PAX7: variants seen among roughly 807,000 people sequenced by gnomAD.
PAX7 encodes paired box protein Pax-7.
In PAX7, 18 loss-of-function variants were observed where a neutral mutation model predicts 50.7. The observed-to-expected ratio is 0.36, with a 90% CI of 0.25 to 0.53. The LOEUF (loss-of-function observed/expected upper bound fraction) is 0.53. Among genes scored for constraint, PAX7 ranks in the 20% least tolerant of loss-of-function variants. The pLI, the probability that PAX7 is intolerant of heterozygous loss-of-function variation, is 0.93. For synonymous variants in PAX7, 310 were observed against 290.4 expected, an observed-to-expected ratio of 1.07 and a Z score of -0.69; for missense variants, 644 against 702.9, an observed-to-expected ratio of 0.92 and a Z score of 0.95.
intron 5 of PAX7, among the ~76,000 whole-genome samples, chr1:18,694,460 G>A (rs1024790973): frequency 4.7e-5 from 6 of 128,840 alleles, no homozygotes; most frequent in African/African-American, 9.3e-5. Flanking sequence ...ACTCTGTCTC[G>A]AAAATAAATA....
intron 4 of PAX7, among the ~76,000 whole-genome samples, chr1:18,680,736 C>T (rs79526589): frequency 2.6e-5 from 4 of 152,150 alleles, no homozygotes; most frequent in African/African-American, 9.7e-5. Flanking sequence ...CTGCTCTGCC[C>T]AGCACAATCG....
intron 7 of PAX7, among the ~76,000 whole-genome samples, chr1:18,723,423 A>G (rs911606059): frequency 6.6e-6 from 1 of 152,210 alleles, no homozygotes; most frequent in Admixed American, 6.5e-5. Flanking sequence ...TGGCACATGA[A>G]GGACAGCCGA....
intron 7 of PAX7, among the ~76,000 whole-genome samples, chr1:18,710,471 G>A (rs574151075): frequency 9.9e-5 from 15 of 152,174 alleles, no homozygotes; most frequent in South Asian, 6.2e-4. Flanking sequence ...GACCAGGGAC[G>A]AGGAAGGAGG....
intron 7 of PAX7, among the ~76,000 whole-genome samples, chr1:18,708,893 G>T (rs531817104): frequency 6.6e-6 from 1 of 152,176 alleles, no homozygotes; most frequent in Non-Finnish European, 1.5e-5. Context: ...CAAGAGACAG[G>T]TGGGGAAGAC....
At chr1:18,643,815 C>G (rs112282693) in intron 4 of PAX7, among the ~76,000 whole-genome samples, 5 of 152,206 alleles carry the variant, frequency 3.3e-5, no homozygotes, top group Non-Finnish European at 7.3e-5. Context: ...TAGAGGCGAG[C>G]GAGCTGGGCC....
chr1:18,738,194 G>A (rs1930910245), intron 8 of PAX7, among the ~76,000 whole-genome samples: 1 of 152,148 alleles, frequency 6.6e-6, no homozygotes, highest in Non-Finnish European at 1.5e-5. Flanking sequence ...GTATATTTGA[G>A]AGCAGGGTGC....
chr1:18,681,245 C>G (rs2088895686), intron 4 of PAX7, among the ~76,000 whole-genome samples: 1 of 150,926 alleles, frequency 6.6e-6, no homozygotes, highest in African/African-American at 2.4e-5. Context: ...CCAAGGTGCC[C>G]TCTTAAAATG....
At chr1:18,635,684 C>T (rs577762723) in intron 3 of PAX7, among the ~76,000 whole-genome samples, 1 of 152,164 alleles carries the variant, frequency 6.6e-6, no homozygotes, top group East Asian at 1.9e-4. Flanking sequence ...GGTGGATGCC[C>T]ATGGGCTTCC....
At chr1:18,641,105 C>A (rs1160731238) in intron 4 of PAX7, among the ~76,000 whole-genome samples, 5 of 152,206 alleles carry the variant, frequency 3.3e-5, no homozygotes, top group African/African-American at 7.2e-5. Flanking sequence ...CCAGAACCCG[C>A]GGTAAATAAA....
chr1:18,741,434 A>G (rs146932323), intron 8 of PAX7, among the ~76,000 whole-genome samples: 1,510 of 150,980 alleles, frequency 0.01, 30 homozygotes, highest in African/African-American at 0.035. Context: ...TGGGAGACAG[A>G]GTGAGACTCC....
At chr1:18,651,804 C>G (rs548336588) in intron 4 of PAX7, among the ~76,000 whole-genome samples, 3 of 142,316 alleles carry the variant, frequency 2.1e-5, no homozygotes, top group African/African-American at 8.0e-5. Flanking sequence ...TGCCACCCCT[C>G]CCCCTCTCCC....
intron 4 of PAX7, among the ~76,000 whole-genome samples, chr1:18,666,125 G>A (rs577487533): frequency 1.1e-4 from 17 of 152,302 alleles, no homozygotes; most frequent in East Asian, 3.9e-4. Context: ...TCTGGGCAGC[G>A]TAGCTCCGTC....
intron 7 of PAX7, among the ~76,000 whole-genome samples, chr1:18,715,980 C>G (rs551323965): frequency 5.9e-5 from 9 of 152,238 alleles, no homozygotes; most frequent in Non-Finnish European, 1.3e-4. Context: ...CATCCTGTTC[C>G]CCCCGCTCCT....
intron 7 of PAX7, among the ~76,000 whole-genome samples, chr1:18,728,811 G>A (rs761767963): frequency 6.7e-6 from 1 of 150,266 alleles, no homozygotes; most frequent in Admixed American, 6.6e-5. Context: ...GTTGCGGTGA[G>A]CCGAGATCAC....
intron 5 of PAX7, among the ~76,000 whole-genome samples, chr1:18,697,479 G>A (rs368801531): frequency 6.6e-6 from 1 of 152,158 alleles, no homozygotes; most frequent in Non-Finnish European, 1.5e-5. Context: ...GCTCATTTGA[G>A]GTCCAGAACC....
intron 4 of PAX7, among the ~76,000 whole-genome samples, chr1:18,647,078 A>T (rs1042606344): frequency 1.3e-5 from 2 of 150,924 alleles, no homozygotes; most frequent in Non-Finnish European, 3.0e-5. Flanking sequence ...CGGGGGACGG[A>T]ACAAAACAGA....
rs2088115515 is a variant in PAX7, at chr1:18,634,609, T to C, written c.321+71T>C. ...GGGGGCTCCTGGTTGTGGCCCCTCT[T>C]ACTACCTCGTGGCACCAGGCTGTAG... On this transcript the variant is annotated intron_variant, in intron 2 of 8. Coordinates refer to ENST00000420770, the MANE Select transcript of PAX7 (RefSeq NM_001135254.2). The surrounding 1 kb of genome is among the most constrained non-coding windows in gnomAD (Gnocchi z 4.0). 5 of 1,278,960 alleles carry C rather than the reference T, an allele frequency of 3.9e-6. No individual in the cohort carries two copies. In the South Asian group the frequency reaches 5.1e-5, roughly 13 times the overall value. The allele number at this position is 1,278,960 out of a possible 1,614,324, so 79.2% of individuals were successfully genotyped here.
intron 7 of PAX7, among the ~76,000 whole-genome samples, chr1:18,730,841 G>T (rs1315955740): frequency 6.6e-6 from 1 of 152,048 alleles, no homozygotes; most frequent in Non-Finnish European, 1.5e-5. Context: ...GGTGAGGCTG[G>T]CCTCTTATTG....
At chr1:18,724,705 T>C (rs1467606130) in intron 7 of PAX7, among the ~76,000 whole-genome samples, 1 of 152,212 alleles carries the variant, frequency 6.6e-6, no homozygotes, top group African/African-American at 2.4e-5. Context: ...TGCTTACTAA[T>C]TGTGGAGACT....
Sources: allele counts gnomAD v4.1 joint callset (sites outside exome capture counted in the v4.1 genomes callset), GRCh38; gene constraint gnomAD v4.1.1; non-coding constraint Gnocchi (gnomAD v3.1); transcripts MANE v1.5; gene names NCBI Gene and HGNC (gene_info 2026-07-23, HGNC 2026-07-21).